RHEB: variants seen among roughly 807,000 people sequenced by gnomAD.
RHEB encodes the protein GTP-binding protein Rheb.
A neutral mutation model predicts 28.8 loss-of-function variants in RHEB; 2 were observed. The ratio of observed to expected loss-of-function variants is 0.07; its 90% confidence interval spans 0.03 to 0.22. RHEB has a LOEUF of 0.22. RHEB is among the 10% of genes least tolerant of loss of function. The probability of loss-of-function intolerance (pLI) is 1.00; values close to 1 mark genes in which losing one functional copy is unlikely to be tolerated. For synonymous variants in RHEB, 69 were observed against 77.3 expected, an observed-to-expected ratio of 0.89 and a Z score of 0.56; for missense variants, 76 against 219.9, an observed-to-expected ratio of 0.35 and a Z score of 4.14.
chr7:151,471,614 C>T lies in RHEB; in HGVS notation c.276-9G>A, dbSNP rs759888501. 1 of 1,558,966 alleles carries T rather than the reference C, an allele frequency of 6.4e-7. No individual in the cohort carries two copies. Among genetic ancestry groups the T allele is most frequent in the Non-Finnish European group, 8.8e-7 (1 of 1,140,818 alleles). On this transcript the variant is annotated splice_polypyrimidine_tract_variant and intron_variant, in intron 4 of 7. Transcript: ENST00000262187. Reference sequence around the variant, plus strand: ...CTTTAATCACTTCAAAACTATAAAACAAAAAGTATAAATTAGACATCCATT... The same window carrying T: ...CTTTAATCACTTCAAAACTATAAAATAAAAAGTATAAATTAGACATCCATT...
Position 151,483,028 on chromosome 7 carries a change from G to A in RHEB, c.192+1709C>T, listed in dbSNP as rs561206117. Among the ~76,000 whole-genome samples, 92 of 152,322 alleles carry A rather than the reference G, an allele frequency of 6.0e-4. 2 individuals carry two copies. The South Asian group carries it at 0.018, about 30-fold the overall frequency. On this transcript the variant is annotated intron_variant, in intron 3 of 7. Transcript: ENST00000262187. ...CTAGGATGGCTCTGCTCTAATGAAAGCATCAAGAATCTGACTGCTAAAGCA... is the reference window on the plus strand; with the variant it reads ...CTAGGATGGCTCTGCTCTAATGAAAACATCAAGAATCTGACTGCTAAAGCA...
chr7:151,489,109 T>C (rs991404986), intron 2 of RHEB, among the ~76,000 whole-genome samples: 1 of 152,206 alleles, frequency 6.6e-6, no homozygotes. Flanking sequence ...CAGCTCAGTA[T>C]GAAATGGCAT....
intron 1 of RHEB, among the ~76,000 whole-genome samples, chr7:151,500,760 A>C (rs551366495): frequency 7.2e-5 from 11 of 152,318 alleles, no homozygotes; most frequent in African/African-American, 2.6e-4. Flanking sequence ...AAAATAGATC[A>C]TATTGCTTGA....
At chr7:151,504,926 G>A (rs531714288) in intron 1 of RHEB, among the ~76,000 whole-genome samples, 1 of 151,064 alleles carries the variant, frequency 6.6e-6, no homozygotes, top group East Asian at 1.9e-4. Context: ...TCTTTTTACA[G>A]GTGTGGGACC....
At chr7:151,483,668 A>G (rs747208367) in intron 3 of RHEB, among the ~76,000 whole-genome samples, 7 of 152,180 alleles carry the variant, frequency 4.6e-5, no homozygotes, top group Non-Finnish European at 1.0e-4. Context: ...GTGGGATAGC[A>G]CCACTGCCTT....
chr7:151,495,006 C>T (rs898911038), intron 1 of RHEB, among the ~76,000 whole-genome samples: 3 of 152,160 alleles, frequency 2.0e-5, no homozygotes, highest in Non-Finnish European at 2.9e-5. Context: ...CTTCTGGAGA[C>T]GTAGTTCAGA....
rs1330789799 is a variant in RHEB, at chr7:151,466,155, A to T, written c.*964T>A. 1.3e-5 allele frequency: 2 copies of T among 152,190 alleles called. No homozygotes were observed. Among genetic ancestry groups the T allele is most frequent in the Non-Finnish European group, 2.9e-5 (2 of 68,040 alleles). 9.4% of individuals were successfully genotyped at this position (152,190 alleles called of 1,614,324 possible). A position where few individuals can be genotyped will look rare whatever the true frequency, so the allele number is the denominator to read the frequency against. ...CCAAGTTTGACTTACAGACAAGGTA[A>T]CAGCCACCAAACAAATGAAATCCCT... On this transcript the variant is annotated 3_prime_UTR_variant, in exon 8 of 8. Transcript: ENST00000262187.
rs1248952981 is a variant in RHEB, at chr7:151,466,997, C to T, written c.*122G>A. 1.4e-6 allele frequency: 1 copy of T among 695,176 alleles called. No homozygotes were observed. The highest frequency in any genetic ancestry group is 2.5e-6 in the Non-Finnish European group (1 of 392,344). 43.1% of individuals were successfully genotyped at this position (695,176 alleles called of 1,614,324 possible). On this transcript the variant is annotated 3_prime_UTR_variant, in exon 8 of 8. Coordinates refer to ENST00000262187, the MANE Select transcript of RHEB (RefSeq NM_005614.4). Reference sequence around the variant, plus strand: ...TAATCTGAAGGGAGGGGAGCTCTGACCCAAATGATATCTTTCAGGTTAACA... The same window carrying T: ...TAATCTGAAGGGAGGGGAGCTCTGATCCAAATGATATCTTTCAGGTTAACA...
chr7:151,519,395 C>G (rs1002295764), intron 1 of RHEB, 65 bp downstream of exon 1: 2 of 1,221,430 alleles, frequency 1.6e-6, no homozygotes, highest in Non-Finnish European at 2.1e-6. Flanking sequence ...CAGGCCCGGC[C>G]GCGACCCGGC....
chr7:151,482,361 C>T (rs2299963), intron 3 of RHEB, among the ~76,000 whole-genome samples: 11,096 of 152,208 alleles, frequency 0.073, 576 homozygotes, highest in African/African-American at 0.13. Flanking sequence ...CCTTCCACCT[C>T]CCACAGTGTT....
chr7:151,518,682 T>C (rs1314860624), intron 1 of RHEB, among the ~76,000 whole-genome samples: 1 of 152,164 alleles, frequency 6.6e-6, no homozygotes, highest in African/African-American at 2.4e-5. Flanking sequence ...TTCAAATGTA[T>C]GTCAACCTTT....
chr7:151,503,375 G>T (rs985047666), intron 1 of RHEB: 158 of 974,310 alleles, frequency 1.6e-4, no homozygotes, highest in Non-Finnish European at 2.3e-4. Flanking sequence ...GGATTTGGTG[G>T]AATTGGAGGT....
At chr7:151,517,370 GAA>G (rs761761069) in intron 1 of RHEB, among the ~76,000 whole-genome samples, 10 of 61,644 alleles carry the variant, frequency 1.6e-4, no homozygotes, top group East Asian at 9.3e-4. Flanking sequence ...CTCCGTCTCG[GAA>G]AAAAAAAAAA....
chr7:151,486,363 T>TA (rs1802473590), intron 2 of RHEB, among the ~76,000 whole-genome samples: 1 of 152,184 alleles, frequency 6.6e-6, no homozygotes, highest in Non-Finnish European at 1.5e-5. Context: ...TTATCACCAG[T>TA]AGCACTGTTG....
intron 7 of RHEB, 105 bp from the exon 8 acceptor site, chr7:151,467,316 T>TA: frequency 2.5e-6 from 2 of 809,846 alleles, no homozygotes; most frequent in Non-Finnish European, 4.2e-6. Flanking sequence ...CTCCTACTGG[T>TA]GGAGGAGGAG....
At chr7:151,506,609 A>C (rs1052947028) in intron 1 of RHEB, among the ~76,000 whole-genome samples, 3 of 152,232 alleles carry the variant, frequency 2.0e-5, no homozygotes, top group Non-Finnish European at 4.4e-5. Context: ...TAGGATAAAA[A>C]AAGTATTTTC....
chr7:151,502,072 C>T (rs371852983), intron 1 of RHEB: 16 of 400,524 alleles, frequency 4.0e-5, no homozygotes, highest in African/African-American at 3.2e-4. Context: ...CCTGTCTCTA[C>T]TAAAAATACA....
intron 2 of RHEB, among the ~76,000 whole-genome samples, chr7:151,489,941 C>T (rs77678046): frequency 2.6e-5 from 4 of 152,222 alleles, no homozygotes; most frequent in South Asian, 4.1e-4. Flanking sequence ...AGCCTCCGGC[C>T]GGTGAAATAT....
rs1000172151 is a variant in RHEB at position 151,476,825 on chromosome 7, A to C, written c.275+508T>G. Among the ~76,000 whole-genome samples, 4 of 152,204 alleles carry C rather than the reference A, an allele frequency of 2.6e-5. No individual in the cohort carries two copies. The South Asian group carries it at 8.3e-4, about 32-fold the overall frequency. On this transcript the variant is annotated intron_variant, in intron 4 of 7. Coordinates refer to ENST00000262187, the MANE Select transcript of RHEB (RefSeq NM_005614.4). Reference sequence around the variant, plus strand: ...TCCTGATAATACATGCCATCCCCCGATAAGAGGAGACATGAAATACGTAGC... The same window carrying C: ...TCCTGATAATACATGCCATCCCCCGCTAAGAGGAGACATGAAATACGTAGC...
Sources: allele counts gnomAD v4.1 joint callset (sites outside exome capture counted in the v4.1 genomes callset), GRCh38; gene constraint gnomAD v4.1.1; transcripts MANE v1.5; gene names NCBI Gene and HGNC (gene_info 2026-07-23, HGNC 2026-07-21).